The following TPRG1 variants were observed in gnomAD, a reference collection of about 807,000 sequenced individuals.
TPRG1 encodes tumor protein p63 regulated 1, also known as tumor protein p63-regulated gene 1 protein.
In TPRG1, 29 loss-of-function variants were observed where a neutral mutation model predicts 29.3. That is an observed-to-expected ratio of 0.99 (90% CI 0.74 to 1.35). TPRG1 has a LOEUF of 1.35. TPRG1 is among the 40% of genes most tolerant of loss of function. TPRG1 has a pLI of 0.00. For synonymous variants in TPRG1, 130 were observed against 116.8 expected, an observed-to-expected ratio of 1.11 and a Z score of -0.73; for missense variants, 327 against 335.0, an observed-to-expected ratio of 0.98 and a Z score of 0.19.
At chr3:189,180,987 G>A (rs1730140347) in intron 1 of TPRG1, among the ~76,000 whole-genome samples, 1 of 152,138 alleles carries the variant, frequency 6.6e-6, no homozygotes. Flanking sequence ...CTGTGTACTG[G>A]CAGGCTCAAC....
At chr3:189,176,712 C>T (rs749161951) in intron 1 of TPRG1, among the ~76,000 whole-genome samples, 5 of 152,166 alleles carry the variant, frequency 3.3e-5, no homozygotes, top group Non-Finnish European at 5.9e-5. Context: ...GCAGCTGGAA[C>T]AGGAAGTGCA....
chr3:189,193,345 G>A (rs1355550382), intron 1 of TPRG1, among the ~76,000 whole-genome samples: 2 of 151,840 alleles, frequency 1.3e-5, no homozygotes, highest in Non-Finnish European at 2.9e-5. Flanking sequence ...GTGTTGCCCA[G>A]ATTCTCTTTG....
At chr3:189,129,481 GT>G (rs1722865547) in intron 2 of TPRG1, among the ~76,000 whole-genome samples, 1 of 152,128 alleles carries the variant, frequency 6.6e-6, no homozygotes, top group Non-Finnish European at 1.5e-5. Context: ...TAAATTTGCT[GT>G]TTCCCCCTTT....
At chr3:189,074,815 C>A (rs1717036274) in intron 4 of TPRG1, among the ~76,000 whole-genome samples, 1 of 147,724 alleles carries the variant, frequency 6.8e-6, no homozygotes, top group Admixed American at 6.7e-5. Flanking sequence ...GTCAGCCTAC[C>A]TTTTTTTTTT....
Position 189,181,707 on chromosome 3 carries a change from G to A in TPRG1, c.-10+9576G>A, listed in dbSNP as rs145082240. On this transcript the variant is annotated intron_variant, in intron 1 of 5. Transcript: ENST00000345063. ...TTCCCATATTTTCCTGTCTTCTTTCGAGCCCTCTAAACTGTTCCAACCTCT... is the reference window on the plus strand; with the variant it reads ...TTCCCATATTTTCCTGTCTTCTTTCAAGCCCTCTAAACTGTTCCAACCTCT... Among the ~76,000 whole-genome samples the A allele has an allele frequency of 3.2e-3, 487 of 151,994 alleles. 3 individuals are homozygous for A. Among genetic ancestry groups the A allele is most frequent in the African/African-American group, 0.011 (456 of 41,430 alleles).
At chr3:189,057,836 ATG>A (rs1560419091) in intron 4 of TPRG1, among the ~76,000 whole-genome samples, 1 of 141,626 alleles carries the variant, frequency 7.1e-6, no homozygotes, top group Non-Finnish European at 1.5e-5. Context: ...ATACACACAT[ATG>A]TATGTGTGTA....
intron 4 of TPRG1, among the ~76,000 whole-genome samples, chr3:189,278,413 C>G (rs1251506474): frequency 6.6e-6 from 1 of 152,152 alleles, no homozygotes; most frequent in African/African-American, 2.4e-5. Flanking sequence ...GAAGCCGGTG[C>G]TGGAAAGCAG....
At position 189,186,244 on chromosome 3, in the gene TPRG1, C is replaced by T. The variant is rs185323850; in HGVS notation, c.-10+14113C>T. 1.4e-4 allele frequency among the ~76,000 whole-genome samples: 21 copies of T among 152,136 alleles called. No homozygotes were observed. In the East Asian group the frequency reaches 3.3e-3, roughly 24 times the overall value. On this transcript the variant is annotated intron_variant, in intron 1 of 5. Coordinates refer to ENST00000345063, the MANE Select transcript of TPRG1 (RefSeq NM_198485.4). ...AACTGGAGAAAAGTCAATGATGACCCGAAATGTTGTGATTGGTGAGGGTGA... is the reference window on the plus strand; with the variant it reads ...AACTGGAGAAAAGTCAATGATGACCTGAAATGTTGTGATTGGTGAGGGTGA...
intron 4 of TPRG1, among the ~76,000 whole-genome samples, chr3:189,259,900 C>T (rs778076419): frequency 6.6e-6 from 1 of 152,184 alleles, no homozygotes; most frequent in Non-Finnish European, 1.5e-5. Context: ...ATTTCACCTC[C>T]TCCTCTGCCT....
intron 2 of TPRG1, among the ~76,000 whole-genome samples, chr3:189,130,273 A>G (rs954067290): frequency 1.3e-5 from 2 of 152,224 alleles, no homozygotes; most frequent in African/African-American, 2.4e-5. Flanking sequence ...CAACTAGACA[A>G]TAACTATTTT....
intron 4 of TPRG1, among the ~76,000 whole-genome samples, chr3:189,242,322 T>G (rs1374604967): frequency 1.3e-5 from 2 of 152,160 alleles, no homozygotes; most frequent in African/African-American, 4.8e-5. Flanking sequence ...ATATTATGTG[T>G]CAATATCTGG....
chr3:189,175,859 T>C (rs574535357), intron 1 of TPRG1, among the ~76,000 whole-genome samples: 1 of 152,334 alleles, frequency 6.6e-6, no homozygotes, highest in Admixed American at 6.5e-5. Context: ...AAAATGATGA[T>C]GCACAAGTTG....
At chr3:189,296,779 C>G (rs1251187972) in intron 4 of TPRG1, among the ~76,000 whole-genome samples, 1 of 152,182 alleles carries the variant, frequency 6.6e-6, no homozygotes, top group Non-Finnish European at 1.5e-5. Context: ...TGGAGAGTGA[C>G]AGGGAGATTA....
intron 3 of TPRG1, among the ~76,000 whole-genome samples, chr3:189,228,390 A>G (rs1738118600): frequency 6.6e-6 from 1 of 152,146 alleles, no homozygotes; most frequent in Non-Finnish European, 1.5e-5. Flanking sequence ...ATAACACAGT[A>G]TTAAAAAAAA....
At chr3:189,237,472 G>T (rs1739705944) in intron 3 of TPRG1, among the ~76,000 whole-genome samples, 1 of 152,156 alleles carries the variant, frequency 6.6e-6, no homozygotes, top group African/African-American at 2.4e-5. Context: ...TGTGATAAAT[G>T]CTGCAAAGAG....
intron 4 of TPRG1, among the ~76,000 whole-genome samples, chr3:189,040,895 T>C (rs1714590843): frequency 6.6e-6 from 1 of 152,220 alleles, no homozygotes; most frequent in African/African-American, 2.4e-5. Context: ...CATCTCTGCC[T>C]GGGCTTTGGC....
At chr3:189,141,522 G>A (rs1724560466) in intron 3 of TPRG1, among the ~76,000 whole-genome samples, 1 of 152,080 alleles carries the variant, frequency 6.6e-6, no homozygotes, top group African/African-American at 2.4e-5. Context: ...GATGCTGTGG[G>A]GCCATCTCAC....
chr3:189,095,067 T>C (rs1718585930), intron 4 of TPRG1, among the ~76,000 whole-genome samples: 1 of 152,192 alleles, frequency 6.6e-6, no homozygotes, highest in Non-Finnish European at 1.5e-5. Context: ...AATGCAATTC[T>C]TCTGGCCCCT....
intron 1 of TPRG1, among the ~76,000 whole-genome samples, chr3:189,175,606 T>C (rs548398912): frequency 7.2e-5 from 11 of 152,342 alleles, no homozygotes; most frequent in African/African-American, 2.4e-4. Context: ...ACCTTAGCTC[T>C]ACATTAGGAT....
Sources: gnomAD v4.1 joint callset for allele counts (sites outside exome capture counted in the v4.1 genomes callset) on GRCh38, gnomAD v4.1.1 for gene constraint, MANE v1.5 for transcripts, NCBI Gene and HGNC (gene_info 2026-07-23, HGNC 2026-07-21) for gene names.